TMC6: variants seen among roughly 807,000 people sequenced by gnomAD.
TMC6 encodes transmembrane channel like 6.
Under a neutral mutation model 95.4 loss-of-function variants are expected in TMC6, and 71 were observed. That is an observed-to-expected ratio of 0.74 (90% CI 0.61 to 0.91). TMC6 has a LOEUF of 0.91. Ranked by LOEUF, TMC6 falls within the 40% of genes least tolerant of loss-of-function variation. The pLI, the probability that TMC6 is intolerant of heterozygous loss-of-function variation, is 0.00. For missense variants in TMC6, 1,074 were observed against 1,079.1 expected, an observed-to-expected ratio of 1.00 and a Z score of 0.07; for synonymous variants, 514 against 483.1, an observed-to-expected ratio of 1.06 and a Z score of -0.84.
Position 78,121,478 on chromosome 17 carries a change from TGC to T in TMC6, c.1383+76_1383+77del. On this transcript the variant is annotated intron_variant, in intron 11 of 19. Transcript: ENST00000590602. This position sits in a 1 kb window ranked among gnomAD's most constrained non-coding sequence, Gnocchi z 5.6. ...CTGGGTGGAGGAGGAGAGGCAAGGC[TGC>T]CTCCCCAGGGGGCAGGTGCCCAGAG... 2 of 1,600,156 alleles carry T rather than the reference TGC, an allele frequency of 1.2e-6. No homozygotes were observed. Among genetic ancestry groups the T allele is most frequent in the Non-Finnish European group, 1.7e-6 (2 of 1,175,082 alleles).
chr17:78,120,607 C>CACG lies in TMC6; in HGVS notation c.1715+45_1715+46insCGT, dbSNP rs752479813. On this transcript the variant is annotated intron_variant, in intron 13 of 19. Coordinates refer to ENST00000590602, the MANE Select transcript of TMC6 (RefSeq NM_001127198.5). Reference sequence around the variant, plus strand: ...ACCTCCCGGCCACACGTCCCGGCCACTAAGGGGAGAACACTCACCACCCAG... The same window carrying CACG: ...ACCTCCCGGCCACACGTCCCGGCCACACGTAAGGGGAGAACACTCACCACCCAG... 47 of 1,612,788 alleles carry CACG rather than the reference C, an allele frequency of 2.9e-5. 1 individual carries two copies. In the South Asian group the frequency reaches 4.5e-4, roughly 15 times the overall value.
chr17:78,129,388 A>G (rs561966328), upstream of TMC6, among the ~76,000 whole-genome samples: 1 of 152,216 alleles, frequency 6.6e-6, no homozygotes, highest in African/African-American at 2.4e-5. This position sits in a 1 kb window ranked among gnomAD's most constrained non-coding sequence, Gnocchi z 4.3. Context: ...TTCCCATTTC[A>G]CAGATGAGGA....
At chr17:78,130,497 G>A (rs148641531), upstream of TMC6, 2 of 152,548 alleles carry the variant, frequency 1.3e-5, no homozygotes, top group African/African-American at 2.4e-5. Flanking sequence ...GCAGCCAGGC[G>A]GCAGACCCGG....
intron 18 of TMC6, among the ~76,000 whole-genome samples, chr17:78,114,691 A>G (rs1313074631): frequency 6.6e-6 from 1 of 152,020 alleles, no homozygotes; most frequent in Non-Finnish European, 1.5e-5. Context: ...TAGGAGGACC[A>G]CTTAGAATAC....
chr17:78,126,067 T>A (rs923868841), intron 4 of TMC6, 183 bp from the exon 5 acceptor site: 103 of 1,134,134 alleles, frequency 9.1e-5, no homozygotes, highest in Non-Finnish European at 1.1e-4. Context: ...GACTCTGGAG[T>A]CATTTTTGGA....
chr17:78,115,614 G>GTGGGCAC (rs2074036862), intron 18 of TMC6, among the ~76,000 whole-genome samples: 6 of 140,190 alleles, frequency 4.3e-5, no homozygotes, highest in Admixed American at 6.9e-5. Flanking sequence ...CCTGGGCAGA[G>GTGGGCAC]AGGAGCGAAG....
Position 78,121,539 on chromosome 17 carries a change from TC to T in TMC6, c.1383+16del, listed in dbSNP as rs778386990. 9 of 1,608,858 alleles carry T rather than the reference TC, an allele frequency of 5.6e-6. No homozygotes were observed. In the East Asian group the frequency reaches 6.7e-5, roughly 12 times the overall value. ...GACACGTTCCAAGCAAGGGCCAGGC[TC>T]CCCCCATCCCCGCACCTGGATCATG... On this transcript the variant is annotated intron_variant, in intron 11 of 19. Transcript: ENST00000590602. The surrounding 1 kb of genome is among the most constrained non-coding windows in gnomAD (Gnocchi z 5.6).
intron 5 of TMC6, 149 bp from the exon 6 acceptor site, chr17:78,125,412 T>G: frequency 1.2e-6 from 1 of 817,262 alleles, no homozygotes; most frequent in Non-Finnish European, 2.0e-6. Flanking sequence ...CAATCAGCCG[T>G]GTGTTTGCTT....
At chr17:78,132,187 A>C (rs1220934236), upstream of TMC6, 17 of 1,394,840 alleles carry the variant, frequency 1.2e-5, no homozygotes, top group East Asian at 2.5e-5. Context: ...CAGGCACCGC[A>C]AACCTCGGGC....
At position 78,122,338 on chromosome 17, in the gene TMC6, C is replaced by T. The variant is rs2074454257; in HGVS notation, c.1227+267G>A. ...CTGGGGCCTGAGGCCTCAGGGCTGG[C>T]TCCCGGGTGCCCACGGGGCCATGGC... is the stretch of plus-strand genomic sequence containing the variant. On this transcript the variant is annotated intron_variant, in intron 10 of 19. Coordinates refer to ENST00000590602, the MANE Select transcript of TMC6 (RefSeq NM_001127198.5). The surrounding 1 kb of genome is among the most constrained non-coding windows in gnomAD (Gnocchi z 4.9). 6.6e-6 allele frequency among the ~76,000 whole-genome samples: 1 copy of T among 152,064 alleles called. No homozygotes were observed. The highest frequency in any genetic ancestry group is 2.1e-4 in the South Asian group (1 of 4,830).
In TMC6 at chr17:78,121,682, G is replaced by A. The variant is rs1305591682; in HGVS notation, c.1257C>T (p.His419=). The change falls in exon 11 of 20, where the codon CAC becomes CAT. Residue 419 remains histidine (H), a synonymous_variant. Transcript: ENST00000590602. This position sits in a 1 kb window ranked among gnomAD's most constrained non-coding sequence, Gnocchi z 5.6. The part of the protein sequence containing the change: ...KELLAEWQLR[H]SPRSVCGRLR... ...GCCTCCCGCACACGCTCCTGGGGCT[G>A]TGCCGCAGCTGCCACTCGGCCAGCA... The A allele has an allele frequency of 6.3e-7, 1 of 1,591,562 alleles. No individual in the cohort carries two copies. The highest frequency in any genetic ancestry group is 8.5e-7 in the Non-Finnish European group (1 of 1,171,292).
chr17:78,117,573 A>T lies in TMC6; in HGVS notation c.2093T>A (p.Val698Glu). 1.3e-6 allele frequency: 2 copies of T among 1,589,152 alleles called. No individual in the cohort carries two copies. The highest frequency in any genetic ancestry group is 2.3e-5 in the South Asian group (2 of 88,194). ...GGGGCCTGCCGCCTCCAGGTGGCGCACCCACACCCTGCCGGCCTCGTACAT... is the reference window on the plus strand; with the variant it reads ...GGGGCCTGCCGCCTCCAGGTGGCGCTCCCACACCCTGCCGGCCTCGTACAT... ...DTMYEAGRVW[V>E]RHLEAAGPRV... The change falls in exon 17 of 20, where the codon GTG becomes GAG. Residue 698 changes from valine (V) to glutamate (E), a missense_variant. Coordinates refer to ENST00000590602, the MANE Select transcript of TMC6 (RefSeq NM_001127198.5).
chr17:78,123,139 A>G, intron 9 of TMC6: 2 of 348,528 alleles, frequency 5.7e-6, no homozygotes, highest in Non-Finnish European at 1.1e-5. Context: ...TCTCAGGGCA[A>G]GTGCCGCCTC....
chr17:78,118,121 G>A (rs1726877138), intron 15 of TMC6, 186 bp from the exon 16 acceptor site: 1 of 1,040,824 alleles, frequency 9.6e-7, no homozygotes, highest in African/African-American at 1.6e-5. Context: ...ACGCAAACGG[G>A]TGATGCCAAC....
At position 78,121,253 on chromosome 17, in the gene TMC6, C is replaced by A; in HGVS notation, c.1384-89G>T. ...AGGGAAGGGCCCGGGGTGGAACTGG[C>A]AGGTAGCACCTCCCTCCTCCAAGAT... is the stretch of plus-strand genomic sequence containing the variant. On this transcript the variant is annotated intron_variant, in intron 11 of 19. Coordinates refer to ENST00000590602, the MANE Select transcript of TMC6 (RefSeq NM_001127198.5). This position sits in a 1 kb window ranked among gnomAD's most constrained non-coding sequence, Gnocchi z 5.6. The A allele has an allele frequency of 6.5e-7, 1 of 1,527,550 alleles. No individual in the cohort carries two copies. The highest frequency in any genetic ancestry group is 1.4e-5 in the African/African-American group (1 of 72,866). The allele number at this position is 1,527,550 out of a possible 1,614,324, so 94.6% of individuals were successfully genotyped here. A position where few individuals can be genotyped will look rare whatever the true frequency, so the allele number is the denominator to read the frequency against.
chr17:78,122,686 G>A lies in TMC6; in HGVS notation c.1146C>T (p.Thr382=), dbSNP rs3818144. ...VGSTSGIHAI[T]VFCSWDYKVT... is the part of the protein sequence containing the mutation. ...CCTTGTAGTCCCAGGAGCAGAAGACGGTGATGGCGTGGATGCCAGAGGTGC... is the reference window on the plus strand; with the variant it reads ...CCTTGTAGTCCCAGGAGCAGAAGACAGTGATGGCGTGGATGCCAGAGGTGC... The change falls in exon 10 of 20, where the codon ACC becomes ACT. Residue 382 remains threonine, a synonymous_variant. Transcript: ENST00000590602. This position sits in a 1 kb window ranked among gnomAD's most constrained non-coding sequence, Gnocchi z 4.9. 327 of 1,611,844 alleles carry A rather than the reference G, an allele frequency of 2.0e-4. No individual in the cohort carries two copies. The East Asian group carries it at 4.1e-3, about 20-fold the overall frequency.
intron 9 of TMC6, among the ~76,000 whole-genome samples, chr17:78,123,540 AATGGGTGG>A (rs1455982302): frequency 2.3e-5 from 3 of 131,796 alleles, no homozygotes; most frequent in Non-Finnish European, 3.3e-5. Context: ...TAGATGGATG[AATGGGTGG>A]ATGGGTGGGT....
upstream of TMC6, chr17:78,132,420 C>T (rs371869174): frequency 5.0e-6 from 8 of 1,612,656 alleles, no homozygotes; most frequent in Admixed American, 1.7e-5. Context: ...TGCTACTCAA[C>T]CTGCTGAGCC....
chr17:78,129,297 C>T (rs914348639), upstream of TMC6, among the ~76,000 whole-genome samples: 2 of 152,184 alleles, frequency 1.3e-5, no homozygotes, highest in African/African-American at 4.8e-5. This position sits in a 1 kb window ranked among gnomAD's most constrained non-coding sequence, Gnocchi z 4.3. Flanking sequence ...CACGCTGACA[C>T]TTAGGTGACT....
Sources: allele counts gnomAD v4.1 joint callset (sites outside exome capture counted in the v4.1 genomes callset), GRCh38; gene constraint gnomAD v4.1.1; non-coding constraint Gnocchi (gnomAD v3.1); transcripts MANE v1.5; gene names NCBI Gene and HGNC (gene_info 2026-07-23, HGNC 2026-07-21).